The following LINC00305 variants were observed in gnomAD, a reference collection of about 807,000 sequenced individuals.
The protein encoded by LINC00305 is long independently transcribed non-coding RNA 305.
intron 3 of LINC00305, chr18:64,080,483 C>T (rs2051180540): frequency 4.1e-6 from 1 of 244,216 alleles, no homozygotes; most frequent in African/African-American, 2.3e-5. Context: ...TTCATACATA[C>T]CTAAATTTAG....
At chr18:64,086,821 C>A (rs989742823) in intron 3 of LINC00305, among the ~76,000 whole-genome samples, 3 of 152,202 alleles carry the variant, frequency 2.0e-5, no homozygotes, top group Non-Finnish European at 4.4e-5. Flanking sequence ...GACTTCTTAT[C>A]TATAAGCAGA....
chr18:64,088,159 G>A (rs1313314859), intron 3 of LINC00305, among the ~76,000 whole-genome samples: 2 of 151,730 alleles, frequency 1.3e-5, no homozygotes, highest in Non-Finnish European at 2.9e-5. Context: ...AAAAAAGAAA[G>A]TCAGAGAGAA....
At chr18:64,084,792 T>C (rs1447616432) in intron 3 of LINC00305, among the ~76,000 whole-genome samples, 1 of 152,246 alleles carries the variant, frequency 6.6e-6, no homozygotes, top group South Asian at 2.1e-4. Context: ...ACTTGGCTGA[T>C]GAAACTCAGC....
intron 1 of LINC00305, among the ~76,000 whole-genome samples, chr18:64,117,845 A>G (rs145469368): frequency 1.8e-4 from 27 of 152,144 alleles, no homozygotes; most frequent in African/African-American, 6.5e-4. Context: ...TGTTCTTGAG[A>G]TGCTTCTGGG....
intron 1 of LINC00305, among the ~76,000 whole-genome samples, chr18:64,143,262 G>A (rs942205312): frequency 1.3e-5 from 2 of 152,076 alleles, no homozygotes; most frequent in African/African-American, 2.4e-5. Flanking sequence ...GCCAAATCTG[G>A]ATGGATTGTA....
intron 3 of LINC00305, among the ~76,000 whole-genome samples, chr18:64,096,609 C>T (rs2051246133): frequency 6.6e-6 from 1 of 151,750 alleles, no homozygotes; most frequent in African/African-American, 2.4e-5. Context: ...CTATTTGTAT[C>T]TTTACAGTAT....
intron 1 of LINC00305, among the ~76,000 whole-genome samples, chr18:64,122,558 AC>A (rs2051366749): frequency 6.6e-6 from 1 of 152,110 alleles, no homozygotes; most frequent in South Asian, 2.1e-4. Context: ...CTATTTTTAT[AC>A]CAGTACTATA....
chr18:64,091,368 G>T (rs553120479), intron 3 of LINC00305, among the ~76,000 whole-genome samples: 3 of 152,190 alleles, frequency 2.0e-5, no homozygotes, highest in African/African-American at 7.2e-5. Flanking sequence ...GGCAGCAAGG[G>T]TCTCTCTCTG....
At chr18:64,106,754 C>T (rs527249766) in intron 1 of LINC00305, among the ~76,000 whole-genome samples, 51 of 151,972 alleles carry the variant, frequency 3.4e-4, no homozygotes, top group Middle Eastern at 3.4e-3. Context: ...AGAAAAATGA[C>T]GCAGGAACAA....
At chr18:64,145,404 G>T (rs1349552508) in intron 1 of LINC00305, among the ~76,000 whole-genome samples, 3 of 152,012 alleles carry the variant, frequency 2.0e-5, no homozygotes, top group South Asian at 2.1e-4. Flanking sequence ...ATAAATGCTG[G>T]TATATCCAGT....
intron 1 of LINC00305, among the ~76,000 whole-genome samples, chr18:64,130,848 G>A (rs2051406396): frequency 6.6e-6 from 1 of 152,194 alleles, no homozygotes; most frequent in Non-Finnish European, 1.5e-5. Flanking sequence ...AGATGTTCAT[G>A]TTGCATAGGA....
At chr18:64,087,999 T>G (rs1026657520) in intron 3 of LINC00305, among the ~76,000 whole-genome samples, 62 of 151,994 alleles carry the variant, frequency 4.1e-4, no homozygotes, top group Middle Eastern at 3.4e-3. Flanking sequence ...GGCGGGCGCC[T>G]GTAGTCCCAG....
intron 1 of LINC00305, among the ~76,000 whole-genome samples, chr18:64,121,789 C>T (rs2051363193): frequency 6.6e-6 from 1 of 152,104 alleles, no homozygotes; most frequent in South Asian, 2.1e-4. Flanking sequence ...AGAGGTTGTA[C>T]TAATTTACGT....
At chr18:64,117,961 C>G in intron 1 of LINC00305, among the ~76,000 whole-genome samples, 1 of 152,242 alleles carries the variant, frequency 6.6e-6, no homozygotes, top group South Asian at 2.1e-4. Context: ...CCTAAGCCTT[C>G]ATTTAACTTC....
intron 3 of LINC00305, among the ~76,000 whole-genome samples, chr18:64,096,582 A>G (rs1005795042): frequency 3.3e-5 from 5 of 151,940 alleles, no homozygotes; most frequent in Non-Finnish European, 5.9e-5. Flanking sequence ...AGCGTTAACT[A>G]TCAGGAAAAT....
intron 1 of LINC00305, among the ~76,000 whole-genome samples, chr18:64,143,713 A>ATATTATGCGTACATGTATGTCCACG (rs1568120265): frequency 5.0e-5 from 7 of 141,144 alleles, no homozygotes; most frequent in African/African-American, 1.5e-4. Flanking sequence ...GTATGTCCAC[A>ATATTATGCGTACATGTATGTCCACG]TATTATGCGT....
At chr18:64,147,370 T>A (rs548188194) in intron 1 of LINC00305, 4 of 152,326 alleles carry the variant, frequency 2.6e-5, no homozygotes, top group East Asian at 3.9e-4. Context: ...AATGAGTTTA[T>A]GTGAGTTAAA....
chr18:64,146,260 A>G (rs1418040987), intron 1 of LINC00305, among the ~76,000 whole-genome samples: 1 of 152,234 alleles, frequency 6.6e-6, no homozygotes, highest in Non-Finnish European at 1.5e-5. Flanking sequence ...GTTTACAAAG[A>G]AAGCTAATTT....
intron 3 of LINC00305, among the ~76,000 whole-genome samples, chr18:64,083,461 C>T (rs1435552044): frequency 2.0e-5 from 3 of 152,208 alleles, no homozygotes; most frequent in Non-Finnish European, 4.4e-5. Flanking sequence ...CGCATTTAAA[C>T]TCTATAGTCT....
Sources: gnomAD v4.1 joint callset for allele counts (sites outside exome capture counted in the v4.1 genomes callset) on GRCh38, gnomAD v4.1.1 for gene constraint, MANE v1.5 for transcripts, NCBI Gene and HGNC (gene_info 2026-07-23, HGNC 2026-07-21) for gene names.